Variants in SLC9A2 observed in about 807,000 individuals in gnomAD.
SLC9A2 encodes the protein solute carrier family 9 member A2.
In SLC9A2, 42 loss-of-function variants were observed where a neutral mutation model predicts 71.7. That is an observed-to-expected ratio of 0.59 (90% confidence interval 0.46 to 0.76). SLC9A2 has a LOEUF of 0.76. SLC9A2 is among the 30% of genes least tolerant of loss of function. The probability of loss-of-function intolerance (pLI) is 0.00; values close to 1 mark genes in which losing one functional copy is unlikely to be tolerated. For synonymous variants in SLC9A2, 396 were observed against 392.5 expected, an observed-to-expected ratio of 1.01 and a Z score of -0.10; for missense variants, 829 against 1,017.4, an observed-to-expected ratio of 0.81 and a Z score of 2.52.
intron 1 of SLC9A2, among the ~76,000 whole-genome samples, chr2:102,651,622 A>G (rs778750234): frequency 2.8e-4 from 43 of 152,212 alleles, no homozygotes; most frequent in Non-Finnish European, 5.4e-4. Context: ...GGATTCTCTC[A>G]CTGCTCTCTG....
chr2:102,692,107 C>A (rs1677675354), intron 5 of SLC9A2, among the ~76,000 whole-genome samples: 1 of 152,208 alleles, frequency 6.6e-6, no homozygotes, highest in African/African-American at 2.4e-5. Context: ...ACACCCGTTT[C>A]ATTTACATAA....
At chr2:102,688,878 T>A (rs574214648) in intron 5 of SLC9A2, among the ~76,000 whole-genome samples, 1 of 152,338 alleles carries the variant, frequency 6.6e-6, no homozygotes, top group East Asian at 1.9e-4. Context: ...GGGGCAGATC[T>A]CAAGAATTCT....
chr2:102,692,102 C>T (rs933102204), intron 5 of SLC9A2, among the ~76,000 whole-genome samples: 10 of 152,166 alleles, frequency 6.6e-5, no homozygotes, highest in South Asian at 4.1e-4. Context: ...TGTTTACACC[C>T]GTTTCATTTA....
intron 3 of SLC9A2, among the ~76,000 whole-genome samples, chr2:102,672,385 G>C (rs1677270129): frequency 6.6e-6 from 1 of 152,046 alleles, no homozygotes; most frequent in South Asian, 2.1e-4. Context: ...CTCACCACTA[G>C]TGTTTTCTAC....
chr2:102,658,104 C>A, intron 2 of SLC9A2, 77 bp downstream of exon 2: 2 of 1,122,420 alleles, frequency 1.8e-6, no homozygotes, highest in Non-Finnish European at 2.6e-6. Context: ...TGCACCTCAA[C>A]TGGCAGGGGC....
chr2:102,665,423 A>C (rs1001596046), intron 3 of SLC9A2, 73 bp downstream of exon 3: 151 of 1,414,322 alleles, frequency 1.1e-4, no homozygotes, highest in South Asian at 5.6e-4. Flanking sequence ...CCAAGATATT[A>C]AAGTTGAATA....
chr2:102,673,840 A>G (rs1177635279), intron 3 of SLC9A2, among the ~76,000 whole-genome samples: 5 of 149,488 alleles, frequency 3.3e-5, no homozygotes, highest in Admixed American at 6.7e-5. Flanking sequence ...AGGCTGGAGT[A>G]TAGTGGCGTG....
chr2:102,679,083 T>A (rs1677399402), intron 3 of SLC9A2, among the ~76,000 whole-genome samples: 1 of 152,148 alleles, frequency 6.6e-6, no homozygotes, highest in Admixed American at 6.5e-5. Flanking sequence ...GAATGGGAAC[T>A]TTAGGAATGT....
At chr2:102,708,040 GACTC>G in intron 11 of SLC9A2, 75 bp from the exon 12 acceptor site, 3 of 1,469,064 alleles carry the variant, frequency 2.0e-6, no homozygotes, top group Non-Finnish European at 2.8e-6. Context: ...TCAGTTGCCT[GACTC>G]ACTAAGGTAC....
chr2:102,644,276 A>C (rs1249064306), intron 1 of SLC9A2, among the ~76,000 whole-genome samples: 1 of 152,122 alleles, frequency 6.6e-6, no homozygotes, highest in Admixed American at 6.5e-5. Context: ...GGGACTGTGC[A>C]TTCTGGCCCA....
At chr2:102,700,841 G>GTTA (rs1200259308) in intron 7 of SLC9A2, among the ~76,000 whole-genome samples, 3 of 151,380 alleles carry the variant, frequency 2.0e-5, no homozygotes. Flanking sequence ...ATATACATAT[G>GTTA]TATACATACA....
intron 1 of SLC9A2, among the ~76,000 whole-genome samples, chr2:102,632,089 TAC>T (rs1457763526): frequency 7.8e-6 from 1 of 127,398 alleles, no homozygotes; most frequent in African/African-American, 3.6e-5. Flanking sequence ...CACATATATA[TAC>T]ACATATATAT....
chr2:102,669,012 G>A lies in SLC9A2; in HGVS notation c.1004+3662G>A, dbSNP rs150840428. 1.8e-3 allele frequency among the ~76,000 whole-genome samples: 268 copies of A among 152,272 alleles called. 4 individuals carry two copies. The highest frequency in any genetic ancestry group is 6.0e-3 in the African/African-American group (251 of 41,550). On this transcript the variant is annotated intron_variant, in intron 3 of 11. Transcript: ENST00000233969. ...ATTTTGGTTTGGGTTAAAAATGCAA[G>A]GACGCTTTTAGAGGAAAGTGCTGGA...
intron 5 of SLC9A2, among the ~76,000 whole-genome samples, chr2:102,687,997 CT>C (rs1677581834): frequency 6.6e-6 from 1 of 152,062 alleles, no homozygotes; most frequent in African/African-American, 2.4e-5. Flanking sequence ...CCAGGCTGGT[CT>C]TGAATTCCTG....
intron 10 of SLC9A2, 41 bp downstream of exon 10, chr2:102,704,716 G>T (rs1677940916): frequency 6.3e-7 from 1 of 1,592,376 alleles, no homozygotes; most frequent in Non-Finnish European, 8.6e-7. Flanking sequence ...CAGGGGTGGA[G>T]CCGACAGCTA....
At chr2:102,633,960 T>C (rs1337630721) in intron 1 of SLC9A2, among the ~76,000 whole-genome samples, 1 of 152,172 alleles carries the variant, frequency 6.6e-6, no homozygotes, top group Non-Finnish European at 1.5e-5. Context: ...CACATGTACA[T>C]ATAAATGACA....
chr2:102,656,257 C>T (rs1042780525), intron 1 of SLC9A2, among the ~76,000 whole-genome samples: 11 of 152,328 alleles, frequency 7.2e-5, no homozygotes, highest in African/African-American at 2.4e-4. Flanking sequence ...TACAGGCCTC[C>T]TCCTAACATG....
chr2:102,619,581 G>GAT lies in SLC9A2; in HGVS notation c.-268_-267insAT. On this transcript the variant is annotated 5_prime_UTR_variant, in exon 1 of 12. It adds an upstream start codon to the 5' untranslated region. Coordinates refer to ENST00000233969, the MANE Select transcript of SLC9A2 (RefSeq NM_003048.6). This position sits in a 1 kb window ranked among gnomAD's most constrained non-coding sequence, Gnocchi z 4.3. Reference sequence around the variant, plus strand: ...GAGCAGCGCACCGGCATGGGCAGGCGGCCGGCGGCGGAGGGCGGCTGAGGG... The same window carrying GAT: ...GAGCAGCGCACCGGCATGGGCAGGCGATGCCGGCGGCGGAGGGCGGCTGAGGG... 3.2e-6 allele frequency: 1 copy of GAT among 308,998 alleles called. No homozygotes were observed. Among genetic ancestry groups the GAT allele is most frequent in the Non-Finnish European group, 5.9e-6 (1 of 169,984 alleles). 19.1% of individuals were successfully genotyped at this position (308,998 alleles called of 1,614,324 possible). A position where few individuals can be genotyped will look rare whatever the true frequency, so the allele number is the denominator to read the frequency against.
chr2:102,687,172 C>G (rs565802852), intron 5 of SLC9A2, among the ~76,000 whole-genome samples: 1 of 152,256 alleles, frequency 6.6e-6, no homozygotes, highest in East Asian at 1.9e-4. Flanking sequence ...CTCTGCCTAC[C>G]CTTCTGTGTG....
Sources: allele counts gnomAD v4.1 joint callset (sites outside exome capture counted in the v4.1 genomes callset), GRCh38; gene constraint gnomAD v4.1.1; non-coding constraint Gnocchi (gnomAD v3.1); transcripts MANE v1.5; gene names NCBI Gene and HGNC (gene_info 2026-07-23, HGNC 2026-07-21).